SORCS1: variants seen among roughly 807,000 people sequenced by gnomAD.
SORCS1 encodes VPS10 domain-containing receptor SorCS1.
A neutral mutation model predicts 146.1 loss-of-function variants in SORCS1; 60 were observed. That is an observed-to-expected ratio of 0.41 (90% CI 0.33 to 0.51). The LOEUF is 0.51. Among genes scored for constraint, SORCS1 ranks in the 20% least tolerant of loss-of-function variants. The pLI, the probability that SORCS1 is intolerant of heterozygous loss-of-function variation, is 0.21. For missense variants in SORCS1, 1,352 were observed against 1,487.6 expected (o/e 0.91, Z 1.50); for synonymous variants, 637 against 584.0 (o/e 1.09, Z -1.31).
At chr10:106,621,546 T>C (rs1847745781) in intron 19 of SORCS1, among the ~76,000 whole-genome samples, 1 of 151,696 alleles carries the variant, frequency 6.6e-6, no homozygotes, top group South Asian at 2.1e-4. Flanking sequence ...AACCTTCAAA[T>C]ATCAAATGCA....
chr10:106,951,217 A>G (rs1954658848), intron 2 of SORCS1, among the ~76,000 whole-genome samples: 2 of 152,018 alleles, frequency 1.3e-5, no homozygotes, highest in African/African-American at 4.8e-5. Flanking sequence ...TCCCCCTCTA[A>G]AAAGGAACAT....
chr10:107,061,161 A>G (rs1476206619), intron 1 of SORCS1, among the ~76,000 whole-genome samples: 2 of 152,192 alleles, frequency 1.3e-5, no homozygotes, highest in East Asian at 3.8e-4. Context: ...GTTTAACGAG[A>G]ATTTTTACCA....
chr10:107,139,641 A>G (rs937642675), intron 1 of SORCS1, among the ~76,000 whole-genome samples: 4 of 152,220 alleles, frequency 2.6e-5, no homozygotes, highest in Admixed American at 6.5e-5. Context: ...CAAATACATG[A>G]CGCAGTTTCA....
intron 1 of SORCS1, among the ~76,000 whole-genome samples, chr10:106,979,940 C>A (rs1392243533): frequency 6.6e-6 from 1 of 152,182 alleles, no homozygotes; most frequent in East Asian, 1.9e-4. Context: ...GTATGTGAAG[C>A]CCAGCCACAT....
rs772339615 is a variant in SORCS1 at position 106,675,153 on chromosome 10, C to T, written c.1836G>A (p.Leu612=). The T allele has an allele frequency of 6.2e-7, 1 of 1,609,770 alleles. No individual in the cohort carries two copies. Among genetic ancestry groups the T allele is most frequent in the Non-Finnish European group, 8.5e-7 (1 of 1,176,812 alleles). ...HTSLPIRHLW[L]SFDEGRSWSK... ...TCCAAGATCTCCCTTCATCAAAACT[C>T]AACCTAATGATATAAAAAATATCAG... Residue 612 remains leucine, a synonymous_variant, in exon 14 of 26, where the codon TTG becomes TTA. Transcript: ENST00000263054.
intron 5 of SORCS1, among the ~76,000 whole-genome samples, chr10:106,757,221 A>G (rs558371150): frequency 1.3e-3 from 200 of 152,274 alleles, no homozygotes; most frequent in African/African-American, 4.5e-3. Flanking sequence ...ATAATTATCA[A>G]TATGTTAGGT....
chr10:106,750,987 A>G (rs1399510404), intron 5 of SORCS1, among the ~76,000 whole-genome samples: 1 of 133,274 alleles, frequency 7.5e-6, no homozygotes, highest in Non-Finnish European at 1.5e-5. Flanking sequence ...TGAAACTGTG[A>G]GGCAGAGGTT....
intron 2 of SORCS1, among the ~76,000 whole-genome samples, chr10:106,841,924 A>G (rs746090947): frequency 6.6e-6 from 1 of 152,074 alleles, no homozygotes; most frequent in African/African-American, 2.4e-5. Context: ...CATGTTTTCA[A>G]CTCCTTTGGG....
At chr10:106,728,560 A>T (rs984125799) in intron 6 of SORCS1, among the ~76,000 whole-genome samples, 1 of 152,174 alleles carries the variant, frequency 6.6e-6, no homozygotes, top group Non-Finnish European at 1.5e-5. Flanking sequence ...CAAAAAATAT[A>T]TTCACTCCCC....
Position 106,597,425 on chromosome 10 carries a change from A to G in SORCS1, c.3191T>C (p.Leu1064Pro). 6.2e-7 allele frequency: 1 copy of G among 1,613,942 alleles called. No individual in the cohort carries two copies. Among genetic ancestry groups the G allele is most frequent in the Middle Eastern group, 1.7e-4 (1 of 6,058 alleles). ...CTCGAAGTGTACTGAGTTTTGGTTG[A>G]GCGTGTGGATCAGCAATTCTGATAT... The part of the protein sequence containing the change: ...EQISELLIHT[L>P]NQNSVHFELK... Residue 1064 changes from leucine to proline, a missense_variant, in exon 24 of 26, where the codon CTC (leucine) becomes CCC (proline). Physicochemically the swap from Leu to Pro is moderately conservative, Grantham distance 98. This residue lies in a region of SORCS1 where 214 missense variants were observed against 204.8 expected (regional missense o/e 1.05). Transcript: ENST00000263054.
intron 23 of SORCS1, among the ~76,000 whole-genome samples, chr10:106,598,007 A>C (rs2133319939): frequency 6.6e-6 from 1 of 152,256 alleles, no homozygotes; most frequent in East Asian, 1.9e-4. Flanking sequence ...ACTGTTCCTC[A>C]GGCTGACACA....
intron 4 of SORCS1, among the ~76,000 whole-genome samples, chr10:106,766,250 A>G (rs1859564649): frequency 6.6e-6 from 1 of 152,234 alleles, no homozygotes; most frequent in African/African-American, 2.4e-5. Context: ...AAAGGCTGAC[A>G]GAAAATCCTG....
At chr10:106,972,857 G>A (rs1392399985) in intron 1 of SORCS1, among the ~76,000 whole-genome samples, 4 of 152,202 alleles carry the variant, frequency 2.6e-5, no homozygotes, top group Non-Finnish European at 5.9e-5. Flanking sequence ...TATAGCAATG[G>A]GGAGATGTTT....
intron 7 of SORCS1, among the ~76,000 whole-genome samples, chr10:106,708,588 A>G (rs1259587410): frequency 6.6e-6 from 1 of 152,212 alleles, no homozygotes; most frequent in Non-Finnish European, 1.5e-5. Context: ...TGTCTCTACT[A>G]ACAACTCAGG....
intron 1 of SORCS1, among the ~76,000 whole-genome samples, chr10:106,984,394 A>ATTTT (rs34494927): frequency 0.21 from 28,203 of 133,746 alleles, 3,749 homozygotes; most frequent in Middle Eastern, 0.32. Flanking sequence ...AGTGATTTCC[A>ATTTT]TTTTTTTTTT....
At chr10:106,887,567 A>G (rs984150476) in intron 2 of SORCS1, among the ~76,000 whole-genome samples, 4 of 152,248 alleles carry the variant, frequency 2.6e-5, no homozygotes, top group African/African-American at 9.6e-5. Flanking sequence ...ATGGAGCAAG[A>G]CTCCATCTCA....
At chr10:107,095,676 T>G (rs1658075019) in intron 1 of SORCS1, among the ~76,000 whole-genome samples, 1 of 152,142 alleles carries the variant, frequency 6.6e-6, no homozygotes, top group Non-Finnish European at 1.5e-5. Flanking sequence ...TGTACAAATT[T>G]TAAATCCACT....
intron 2 of SORCS1, among the ~76,000 whole-genome samples, chr10:106,954,817 T>A (rs920883098): frequency 1.3e-5 from 2 of 152,156 alleles, no homozygotes; most frequent in African/African-American, 4.8e-5. Context: ...AGCCACACGT[T>A]GGGACTACCC....
chr10:107,072,605 A>G (rs1962529216), intron 1 of SORCS1, among the ~76,000 whole-genome samples: 1 of 148,848 alleles, frequency 6.7e-6, no homozygotes, highest in Non-Finnish European at 1.5e-5. Flanking sequence ...ATACATACAT[A>G]CACATATATA....
Sources: gnomAD v4.1 joint callset for allele counts (sites outside exome capture counted in the v4.1 genomes callset) on GRCh38, gnomAD v4.1.1 for gene constraint, gnomAD v4.1.1 regional missense constraint, MANE v1.5 for transcripts, NCBI Gene and HGNC (gene_info 2026-07-23, HGNC 2026-07-21) for gene names.